The following GABRB1 variants were observed in gnomAD, a reference collection of about 807,000 sequenced individuals.
The protein encoded by GABRB1 is gamma-aminobutyric acid receptor subunit beta-1.
GABRB1 carries 17 observed loss-of-function variants against 51.6 expected under a neutral mutation model. The observed-to-expected ratio is 0.33, with a 90% CI of 0.23 to 0.49. GABRB1 has a LOEUF of 0.49. Ranked by LOEUF, GABRB1 falls within the 20% of genes least tolerant of loss-of-function variation. The probability of loss-of-function intolerance (pLI) is 0.99; values close to 1 mark genes in which losing one functional copy is unlikely to be tolerated. For synonymous variants in GABRB1, 247 were observed against 218.9 expected (o/e 1.13, Z -1.14); for missense variants, 410 against 600.6 (o/e 0.68, Z 3.32).
chr4:47,121,204 T>A (rs189979894), intron 3 of GABRB1, among the ~76,000 whole-genome samples: 2 of 152,146 alleles, frequency 1.3e-5, no homozygotes, highest in African/African-American at 4.8e-5. Context: ...GCTCCCTCCA[T>A]GTCCATGTGT....
At chr4:47,124,208 A>G (rs1461081257) in intron 3 of GABRB1, among the ~76,000 whole-genome samples, 1 of 151,786 alleles carries the variant, frequency 6.6e-6, no homozygotes, top group Non-Finnish European at 1.5e-5. Flanking sequence ...AAGGATGAGT[A>G]GAATTTTAAA....
At chr4:47,012,074 A>T (rs1724598470) in intron 1 of GABRB1, among the ~76,000 whole-genome samples, 1 of 152,234 alleles carries the variant, frequency 6.6e-6, no homozygotes, top group African/African-American at 2.4e-5. Context: ...ATTTGAAAGT[A>T]AACACCATAT....
chr4:47,183,172 T>C (rs1719027032), intron 4 of GABRB1, among the ~76,000 whole-genome samples: 1 of 151,414 alleles, frequency 6.6e-6, no homozygotes, highest in African/African-American at 2.4e-5. Context: ...AATAGCAATG[T>C]CATGTTTCAC....
At position 47,230,360 on chromosome 4, in the gene GABRB1, G is replaced by A. The variant is rs560381203; in HGVS notation, c.461+68891G>A. On this transcript the variant is annotated intron_variant, in intron 4 of 8. Transcript: ENST00000295454. The stretch of plus-strand genomic sequence containing the variant: ...CAGAGCTGAGATTACAAGGTCCCAC[G>A]TATTTCTGGAAAGTGATTTGAAAAA... Among the ~76,000 whole-genome samples, 32 of 152,170 alleles carry A rather than the reference G, an allele frequency of 2.1e-4. No individual in the cohort carries two copies. In the Middle Eastern group the frequency reaches 0.014, roughly 65 times the overall value.
intron 3 of GABRB1, among the ~76,000 whole-genome samples, chr4:47,038,642 T>G (rs1725700322): frequency 1.3e-5 from 2 of 152,208 alleles, no homozygotes; most frequent in Admixed American, 1.3e-4. Flanking sequence ...GTGTTTGTCT[T>G]AGCTGAATAC....
chr4:47,307,565 C>T (rs1012399123), intron 4 of GABRB1, among the ~76,000 whole-genome samples: 1 of 151,868 alleles, frequency 6.6e-6, no homozygotes, highest in Non-Finnish European at 1.5e-5. Context: ...ACTTATACCT[C>T]CTTCCAAAAA....
chr4:47,277,694 A>G (rs1010985597), intron 4 of GABRB1, among the ~76,000 whole-genome samples: 1 of 152,008 alleles, frequency 6.6e-6, no homozygotes, highest in Non-Finnish European at 1.5e-5. Flanking sequence ...AGTTGACAAA[A>G]AGGAGAAGAA....
At chr4:47,356,620 G>A (rs1354298734) in intron 5 of GABRB1, among the ~76,000 whole-genome samples, 1 of 152,166 alleles carries the variant, frequency 6.6e-6, no homozygotes, top group African/African-American at 2.4e-5. Context: ...CTGTGTGATG[G>A]AGATGCTAGT....
intron 5 of GABRB1, among the ~76,000 whole-genome samples, chr4:47,392,569 T>C (rs1432720463): frequency 6.6e-6 from 1 of 152,150 alleles, no homozygotes; most frequent in Non-Finnish European, 1.5e-5. Context: ...TCTTCATCTG[T>C]TGACCTCATA....
intron 4 of GABRB1, among the ~76,000 whole-genome samples, chr4:47,313,425 ATG>A (rs1287144409): frequency 6.6e-6 from 1 of 152,140 alleles, no homozygotes; most frequent in Non-Finnish European, 1.5e-5. Flanking sequence ...GTACATTTCC[ATG>A]TGGATGTGTT....
chr4:47,195,461 TGATA>T (rs200527612), intron 4 of GABRB1, among the ~76,000 whole-genome samples: 4,792 of 85,250 alleles, frequency 0.056, 108 homozygotes, highest in Admixed American at 0.069. Context: ...ATAGATTAGA[TGATA>T]GATAGATAGA....
At chr4:47,118,509 TG>T (rs984035347) in intron 3 of GABRB1, among the ~76,000 whole-genome samples, 1 of 152,186 alleles carries the variant, frequency 6.6e-6, no homozygotes, top group Non-Finnish European at 1.5e-5. Flanking sequence ...TCTGTTGATT[TG>T]CCAGTTACTA....
At chr4:47,424,221 T>C (rs1007621725) in intron 8 of GABRB1, among the ~76,000 whole-genome samples, 1 of 152,184 alleles carries the variant, frequency 6.6e-6, no homozygotes, top group African/African-American at 2.4e-5. Context: ...GTCCTCCAAG[T>C]AGAAAGAGCT....
At chr4:47,423,362 C>G (rs1439186396) in intron 8 of GABRB1, among the ~76,000 whole-genome samples, 1 of 152,218 alleles carries the variant, frequency 6.6e-6, no homozygotes, top group African/African-American at 2.4e-5. Context: ...GACATCTGCT[C>G]TCTGAGGCCC....
chr4:47,364,044 T>C (rs976931402), intron 5 of GABRB1, among the ~76,000 whole-genome samples: 2 of 152,206 alleles, frequency 1.3e-5, no homozygotes, highest in South Asian at 2.1e-4. Flanking sequence ...AACACATTTA[T>C]CTGATCGCTG....
chr4:47,375,925 A>C (rs1202000606), intron 5 of GABRB1, among the ~76,000 whole-genome samples: 1 of 152,234 alleles, frequency 6.6e-6, no homozygotes, highest in African/African-American at 2.4e-5. Context: ...GAAGAGGCAC[A>C]GAATGTTTGG....
rs1294709914 is a variant in GABRB1, at chr4:47,198,364, A to G, written c.461+36895A>G. Among the ~76,000 whole-genome samples, 4 of 152,190 alleles carry G rather than the reference A, an allele frequency of 2.6e-5. No homozygotes were observed. The East Asian group carries it at 7.7e-4, about 29-fold the overall frequency. The stretch of plus-strand genomic sequence containing the variant: ...GGAAATGTGGCTTTGTAAATGGATA[A>G]TGAATAAAGGGTAGAATAATTTTGA... On this transcript the variant is annotated intron_variant, in intron 4 of 8. Coordinates refer to ENST00000295454, the MANE Select transcript of GABRB1 (RefSeq NM_000812.4).
intron 4 of GABRB1, among the ~76,000 whole-genome samples, chr4:47,224,202 A>T (rs1457971880): frequency 6.6e-6 from 1 of 152,074 alleles, no homozygotes; most frequent in Non-Finnish European, 1.5e-5. Context: ...AACTGCAAAG[A>T]ACCCTTCCAC....
Position 47,357,568 on chromosome 4 carries a change from A to G in GABRB1, c.544+37359A>G, listed in dbSNP as rs192683621. On this transcript the variant is annotated intron_variant, in intron 5 of 8. Transcript: ENST00000295454. ...TCACTCACACTCATTGCAAATGTCA[A>G]ATTGGAAGTTAGTGATGTAAAGAGG... Among the ~76,000 whole-genome samples, 395 of 152,296 alleles carry G rather than the reference A, an allele frequency of 2.6e-3. 2 individuals are homozygous for G. The highest frequency in any genetic ancestry group is 3.2e-3 in the Non-Finnish European group (215 of 68,026).
Sources: gnomAD v4.1 joint callset for allele counts (sites outside exome capture counted in the v4.1 genomes callset) on GRCh38, gnomAD v4.1.1 for gene constraint, MANE v1.5 for transcripts, NCBI Gene and HGNC (gene_info 2026-07-23, HGNC 2026-07-21) for gene names.